The following PCDH15 variants were observed in gnomAD, a reference collection of about 807,000 sequenced individuals.
PCDH15 encodes the protein protocadherin related 15.
Under a neutral mutation model 178.5 loss-of-function variants are expected in PCDH15, and 129 were observed. The ratio of observed to expected loss-of-function variants is 0.72; its 90% CI spans 0.63 to 0.84. The LOEUF is 0.84. PCDH15 is among the 40% of genes least tolerant of loss of function. The probability of loss-of-function intolerance (pLI) is 0.00; values close to 1 mark genes in which losing one functional copy is unlikely to be tolerated. For synonymous variants in PCDH15, 800 were observed against 732.0 expected (o/e 1.09, Z -1.50); for missense variants, 2,230 against 2,099.9 (o/e 1.06, Z -1.21).
At chr10:55,264,058 G>A (rs974182512) in intron 1 of PCDH15, among the ~76,000 whole-genome samples, 3 of 152,042 alleles carry the variant, frequency 2.0e-5, no homozygotes, top group African/African-American at 4.8e-5. Flanking sequence ...TAAGTGAGGG[G>A]GCTCCCCACT....
chr10:55,341,805 A>ATTT (rs869187882), intron 2 of PCDH15, among the ~76,000 whole-genome samples: 20 of 16,312 alleles, frequency 1.2e-3, no homozygotes, highest in Admixed American at 3.2e-3. Context: ...ATATATATAT[A>ATTT]TTTTTTTTTT....
rs2091369511 is a variant in PCDH15, at chr10:54,585,256, GT to G, written c.92-57380del. The stretch of plus-strand genomic sequence containing the variant: ...TTAATTGGAATATCTATCCTGTGCG[GT>G]TTTCCAGTTTCTGATTTGGTACTCC... On this transcript the variant is annotated intron_variant, in intron 2 of 37. Transcript: ENST00000644397. Among the ~76,000 whole-genome samples, 3 of 152,172 alleles carry G rather than the reference GT, an allele frequency of 2.0e-5. No homozygotes were observed. In the South Asian group the frequency reaches 6.2e-4, roughly 32 times the overall value.
chr10:53,881,079 T>C (rs1157425671), intron 26 of PCDH15, among the ~76,000 whole-genome samples: 1 of 152,200 alleles, frequency 6.6e-6, no homozygotes, highest in Non-Finnish European at 1.5e-5. Flanking sequence ...TATAACATGA[T>C]GTATTTTGTG....
chr10:54,627,925 C>A (rs147100293), intron 2 of PCDH15, among the ~76,000 whole-genome samples: 1 of 152,144 alleles, frequency 6.6e-6, no homozygotes, highest in Non-Finnish European at 1.5e-5. Context: ...AGAGTCTTTG[C>A]CATAAGAAAC....
chr10:54,112,258 G>C (rs1230085522), intron 15 of PCDH15, among the ~76,000 whole-genome samples: 1 of 152,062 alleles, frequency 6.6e-6, no homozygotes, highest in African/African-American at 2.4e-5. Flanking sequence ...TTTTGAACTG[G>C]AAAATTCTTT....
chr10:54,919,336 A>C (rs1237923900), intron 2 of PCDH15, among the ~76,000 whole-genome samples: 2 of 152,162 alleles, frequency 1.3e-5, no homozygotes, highest in African/African-American at 4.8e-5. Context: ...ATCAACAACT[A>C]TCCTTGAGCC....
intron 2 of PCDH15, among the ~76,000 whole-genome samples, chr10:54,622,738 T>C (rs1427464222): frequency 4.0e-5 from 1 of 24,916 alleles, no homozygotes; most frequent in Non-Finnish European, 9.8e-5. Flanking sequence ...TATAATTATA[T>C]ATATATTATA....
At chr10:55,426,468 G>A (rs1445330846) in intron 2 of PCDH15, among the ~76,000 whole-genome samples, 1 of 152,158 alleles carries the variant, frequency 6.6e-6, no homozygotes, top group African/African-American at 2.4e-5. Flanking sequence ...GCTGGCAGGA[G>A]TTAACTATGT....
At chr10:53,903,625 C>A (rs1002254187) in intron 25 of PCDH15, among the ~76,000 whole-genome samples, 3 of 152,078 alleles carry the variant, frequency 2.0e-5, no homozygotes, top group Admixed American at 2.0e-4. Context: ...TAATTTGGCA[C>A]TAAAATACTG....
At chr10:54,408,354 A>T (rs956923506) in intron 3 of PCDH15, among the ~76,000 whole-genome samples, 1 of 152,134 alleles carries the variant, frequency 6.6e-6, no homozygotes, top group African/African-American at 2.4e-5. Context: ...GTCTCATTAC[A>T]AACTATAAGA....
chr10:54,569,127 C>G (rs1428908512), intron 2 of PCDH15, among the ~76,000 whole-genome samples: 2 of 151,616 alleles, frequency 1.3e-5, no homozygotes, highest in East Asian at 3.9e-4. Context: ...AAGCAAAACC[C>G]AAGAAATTAA....
At chr10:54,189,918 C>CGTGTGTGTGTGT (rs1564637171) in intron 11 of PCDH15, among the ~76,000 whole-genome samples, 1 of 81,968 alleles carries the variant, frequency 1.2e-5, no homozygotes, top group African/African-American at 6.1e-5. Context: ...TGTATACATG[C>CGTGTGTGTGTGT]ATGTGTATGT....
chr10:54,366,927 G>C (rs1245878297), intron 5 of PCDH15, among the ~76,000 whole-genome samples: 1 of 151,938 alleles, frequency 6.6e-6, no homozygotes, highest in Non-Finnish European at 1.5e-5. Context: ...CAGTAATATA[G>C]CTTCTCAAAA....
chr10:55,151,085 C>T (rs918479393), intron 2 of PCDH15, among the ~76,000 whole-genome samples: 1 of 152,018 alleles, frequency 6.6e-6, no homozygotes, highest in Non-Finnish European at 1.5e-5. Flanking sequence ...TTCCATTGTG[C>T]CTTTCGTAGA....
chr10:54,928,765 T>C (rs1188293794), intron 2 of PCDH15, among the ~76,000 whole-genome samples: 1 of 152,208 alleles, frequency 6.6e-6, no homozygotes, highest in African/African-American at 2.4e-5. Context: ...AGTGTGTTTT[T>C]CTACTCTACC....
chr10:54,405,673 C>A (rs1952561869), intron 3 of PCDH15, among the ~76,000 whole-genome samples: 1 of 150,820 alleles, frequency 6.6e-6, no homozygotes, highest in South Asian at 2.1e-4. Flanking sequence ...GACATGTACT[C>A]CTGAACATAA....
chr10:54,042,232 A>G (rs1449505649), intron 18 of PCDH15, among the ~76,000 whole-genome samples: 1 of 151,988 alleles, frequency 6.6e-6, no homozygotes, highest in Non-Finnish European at 1.5e-5. Flanking sequence ...AATTAGGACT[A>G]CTCTCTCCAT....
intron 8 of PCDH15, among the ~76,000 whole-genome samples, chr10:54,308,700 G>C (rs149095693): frequency 2.1e-3 from 317 of 151,958 alleles, no homozygotes; most frequent in African/African-American, 7.3e-3. Flanking sequence ...TTGTAACATA[G>C]GTATACACAT....
chr10:55,473,090 T>C (rs1029023807), intron 2 of PCDH15, among the ~76,000 whole-genome samples: 7 of 152,290 alleles, frequency 4.6e-5, no homozygotes, highest in African/African-American at 1.4e-4. Flanking sequence ...ATTTGGAAAG[T>C]CCTGAGTTAT....
Sources: gnomAD v4.1 joint callset for allele counts (sites outside exome capture counted in the v4.1 genomes callset) on GRCh38, gnomAD v4.1.1 for gene constraint, MANE v1.5 for transcripts, NCBI Gene and HGNC (gene_info 2026-07-23, HGNC 2026-07-21) for gene names.